Variants in GNB1 observed in about 807,000 individuals in gnomAD.
The protein encoded by GNB1 is G protein subunit beta 1.
In GNB1, 2 loss-of-function variants were observed where a neutral mutation model predicts 42.9. That is an observed-to-expected ratio of 0.05 (90% CI 0.02 to 0.15). The LOEUF is 0.15. Among genes scored for constraint, GNB1 ranks in the 10% least tolerant of loss-of-function variants. GNB1 has a pLI of 1.00. For synonymous variants in GNB1, 183 were observed against 174.7 expected, an observed-to-expected ratio of 1.05 and a Z score of -0.38; for missense variants, 193 against 462.2, an observed-to-expected ratio of 0.42 and a Z score of 5.34.
intron 1 of GNB1, among the ~76,000 whole-genome samples, chr1:1,881,220 G>A (rs1051146558): frequency 1.6e-4 from 24 of 151,952 alleles, no homozygotes; most frequent in African/African-American, 5.1e-4. Context: ...CGCCACTCTC[G>A]CCTTCCCTTC....
Position 1,790,276 on chromosome 1 carries a change from T to G in GNB1, c.699+119A>C. On this transcript the variant is annotated intron_variant, in intron 9 of 11. Transcript: ENST00000378609. This position sits in a 1 kb window ranked among gnomAD's most constrained non-coding sequence, Gnocchi z 5.4. ...AGTTTTCTGTATCCCCATCTGTACA[T>G]GAGGTTGTATAAGGATCAGAAAGGA... The G allele has an allele frequency of 4.3e-6, 3 of 695,614 alleles. No homozygotes were observed. Among genetic ancestry groups the G allele is most frequent in the Non-Finnish European group, 7.6e-6 (3 of 392,880 alleles). 43.1% of individuals were successfully genotyped at this position (695,614 alleles called of 1,614,324 possible). A position where few individuals can be genotyped will look rare whatever the true frequency, so the allele number is the denominator to read the frequency against.
At chr1:1,789,722 A>AG (rs1646457505) in intron 9 of GNB1, among the ~76,000 whole-genome samples, 1 of 95,814 alleles carries the variant, frequency 1.0e-5, no homozygotes. Flanking sequence ...GGGTGGGGGG[A>AG]TGGGGGAGGA....
At chr1:1,796,727 G>A (rs1044456546) in intron 7 of GNB1, among the ~76,000 whole-genome samples, 2 of 152,196 alleles carry the variant, frequency 1.3e-5, no homozygotes, top group African/African-American at 2.4e-5. Context: ...GGAGGTGCAA[G>A]GGCACAAAGG....
intron 5 of GNB1, among the ~76,000 whole-genome samples, chr1:1,809,589 G>C (rs553956674): frequency 3.7e-4 from 56 of 152,088 alleles, no homozygotes; most frequent in Non-Finnish European, 7.6e-4. Context: ...ACTTTCTGTC[G>C]AGTATCAGAG....
intron 1 of GNB1, among the ~76,000 whole-genome samples, chr1:1,851,318 G>A (rs750881191): frequency 7.9e-5 from 12 of 152,140 alleles, no homozygotes; most frequent in Non-Finnish European, 8.8e-5. Flanking sequence ...GCTGAGGCAG[G>A]AGAATCGCTT....
At chr1:1,859,304 G>C (rs1387034703) in intron 1 of GNB1, among the ~76,000 whole-genome samples, 3 of 152,170 alleles carry the variant, frequency 2.0e-5, no homozygotes, top group African/African-American at 7.2e-5. Flanking sequence ...TTACAGGCGT[G>C]AGCCACCACG....
rs188546929 is a variant in GNB1, at chr1:1,792,647, G to A, written c.497+598C>T. Among the ~76,000 whole-genome samples, 895 of 142,098 alleles carry A rather than the reference G, an allele frequency of 6.3e-3. 3 individuals carry two copies. Among genetic ancestry groups the A allele is most frequent in the African/African-American group, 0.017 (654 of 37,664 alleles). The allele number at this position is 142,098 out of a possible 152,430, so 93.2% of individuals were successfully genotyped here. A position where few individuals can be genotyped will look rare whatever the true frequency, so the allele number is the denominator to read the frequency against. ...TGGGAGGCAGAGGTTGCAATGAGCC[G>A]AGATCACGCCACTCCACTCTAGCCT... is the stretch of plus-strand genomic sequence containing the variant. On this transcript the variant is annotated intron_variant, in intron 8 of 11. Coordinates refer to ENST00000378609, the MANE Select transcript of GNB1 (RefSeq NM_002074.5).
chr1:1,839,825 G>C (rs1029581271), intron 1 of GNB1: 1 of 152,018 alleles, frequency 6.6e-6, no homozygotes, highest in East Asian at 1.9e-4. Flanking sequence ...CTGCATTCCA[G>C]CCTAGGTGAC....
At chr1:1,798,215 T>C (rs1169535298) in intron 7 of GNB1, among the ~76,000 whole-genome samples, 1 of 152,240 alleles carries the variant, frequency 6.6e-6, no homozygotes, top group Non-Finnish European at 1.5e-5. Context: ...TGTGAGGCTG[T>C]GAGGCCCACC....
At chr1:1,828,309 G>T (rs971883527) in intron 2 of GNB1, among the ~76,000 whole-genome samples, 2 of 152,116 alleles carry the variant, frequency 1.3e-5, no homozygotes, top group African/African-American at 4.8e-5. Context: ...CAACAACAGC[G>T]AAACTCTGTC....
chr1:1,876,015 G>A (rs780946734), intron 1 of GNB1, among the ~76,000 whole-genome samples: 44 of 152,220 alleles, frequency 2.9e-4, no homozygotes, highest in Non-Finnish European at 4.7e-4. Flanking sequence ...ACGTAAAACA[G>A]AGGTAGAGAG....
intron 1 of GNB1, among the ~76,000 whole-genome samples, chr1:1,863,661 C>A (rs538210620): frequency 6.6e-6 from 1 of 152,202 alleles, no homozygotes; most frequent in Non-Finnish European, 1.5e-5. Context: ...CCACAAATAG[C>A]TCATTTTGAG....
chr1:1,862,540 C>A (rs1648690940), intron 1 of GNB1, among the ~76,000 whole-genome samples: 1 of 151,954 alleles, frequency 6.6e-6, no homozygotes, highest in Admixed American at 6.6e-5. Context: ...CGGCTCACTG[C>A]AGACTTGACC....
chr1:1,870,080 C>T (rs1350921565), intron 1 of GNB1, among the ~76,000 whole-genome samples: 1 of 152,002 alleles, frequency 6.6e-6, no homozygotes, highest in Admixed American at 6.6e-5. Flanking sequence ...AGGCTGGTCT[C>T]GATCTCTTGA....
At chr1:1,851,008 G>A (rs1392181711) in intron 1 of GNB1, among the ~76,000 whole-genome samples, 5 of 152,174 alleles carry the variant, frequency 3.3e-5, no homozygotes, top group Non-Finnish European at 5.9e-5. Flanking sequence ...GGTGGCTTAC[G>A]CCTGTAATCC....
At chr1:1,886,887 G>A (rs1650186433) in intron 1 of GNB1, among the ~76,000 whole-genome samples, 1 of 152,004 alleles carries the variant, frequency 6.6e-6, no homozygotes, top group Admixed American at 6.6e-5. Context: ...TTGTAGAGAA[G>A]TAATTTTAGT....
chr1:1,864,471 T>C (rs1237610196), intron 1 of GNB1, among the ~76,000 whole-genome samples: 1 of 152,014 alleles, frequency 6.6e-6, no homozygotes, highest in Non-Finnish European at 1.5e-5. Flanking sequence ...TGATACTGGT[T>C]TCTCCCACTA....
chr1:1,867,743 A>G lies in GNB1; in HGVS notation c.-96+23077T>C, dbSNP rs1020789473. On this transcript the variant is annotated intron_variant, in intron 1 of 11. Coordinates refer to ENST00000378609, the MANE Select transcript of GNB1 (RefSeq NM_002074.5). ...CCCAAACAGGCATCTTTTGCTGTAGATATGTTCCGAATGCTTAAGCAGATA... is the reference window on the plus strand; with the variant it reads ...CCCAAACAGGCATCTTTTGCTGTAGGTATGTTCCGAATGCTTAAGCAGATA... 4.6e-5 allele frequency among the ~76,000 whole-genome samples: 7 copies of G among 152,170 alleles called. No homozygotes were observed. In the South Asian group the frequency reaches 8.3e-4, roughly 18 times the overall value.
intron 7 of GNB1, among the ~76,000 whole-genome samples, chr1:1,801,441 T>C (rs1385749539): frequency 6.6e-6 from 1 of 152,198 alleles, no homozygotes; most frequent in Non-Finnish European, 1.5e-5. Flanking sequence ...ACAGGTGTGA[T>C]GCATATGAAA....
Sources: gnomAD v4.1 joint callset for allele counts (sites outside exome capture counted in the v4.1 genomes callset) on GRCh38, gnomAD v4.1.1 for gene constraint, Gnocchi (gnomAD v3.1) non-coding constraint, MANE v1.5 for transcripts, NCBI Gene and HGNC (gene_info 2026-07-23, HGNC 2026-07-21) for gene names.